The following ANKIB1 variants were observed in gnomAD, a reference collection of about 807,000 sequenced individuals.
ANKIB1 encodes the protein ankyrin repeat and IBR domain-containing protein 1.
In ANKIB1, 43 loss-of-function variants were observed where a neutral mutation model predicts 122.1. The observed-to-expected ratio is 0.35, with a 90% CI of 0.28 to 0.45. The LOEUF (loss-of-function observed/expected upper bound fraction) is 0.45. ANKIB1 is among the 20% of genes least tolerant of loss of function. The pLI, the probability that ANKIB1 is intolerant of heterozygous loss-of-function variation, is 1.00. For synonymous variants in ANKIB1, 390 were observed against 442.0 expected, an observed-to-expected ratio of 0.88 and a Z score of 1.48; for missense variants, 992 against 1,329.5, an observed-to-expected ratio of 0.75 and a Z score of 3.95.
chr7:92,384,474 G>C (rs2115687248), intron 11 of ANKIB1, among the ~76,000 whole-genome samples: 1 of 152,236 alleles, frequency 6.6e-6, no homozygotes, highest in East Asian at 1.9e-4. Context: ...CACACTACCT[G>C]ACTTCAAACT....
intron 10 of ANKIB1, among the ~76,000 whole-genome samples, 153 bp downstream of exon 10, chr7:92,362,426 TC>T (rs1225342943): frequency 1.3e-5 from 2 of 152,230 alleles, no homozygotes; most frequent in Non-Finnish European, 2.9e-5. Context: ...TTGACTAACT[TC>T]CTTTTGGAGA....
chr7:92,342,889 T>G, intron 5 of ANKIB1, 135 bp from the exon 6 acceptor site: 1 of 689,488 alleles, frequency 1.5e-6, no homozygotes, highest in East Asian at 2.7e-5. Context: ...GACATTCATT[T>G]GCAGTTACTA....
rs1206297102 is a variant in ANKIB1 at position 92,246,259 on chromosome 7, G to T, written c.-351G>T. 6 of 388,894 alleles carry T rather than the reference G, an allele frequency of 1.5e-5. No individual in the cohort carries two copies. Among genetic ancestry groups the T allele is most frequent in the Non-Finnish European group, 3.0e-5 (6 of 203,220 alleles). The allele number at this position is 388,894 out of a possible 1,614,324, so 24.1% of individuals were successfully genotyped here. On this transcript the variant is annotated 5_prime_UTR_variant, in exon 1 of 20. Transcript: ENST00000265742. Reference sequence around the variant, plus strand: ...CGCAGCGGCCGGAGAGGGATGGGGGGCGCCCACCCAGTCTGAGCCTCGCCG... The same window carrying T: ...CGCAGCGGCCGGAGAGGGATGGGGGTCGCCCACCCAGTCTGAGCCTCGCCG...
chr7:92,354,183 A>G (rs1438182883), intron 9 of ANKIB1, among the ~76,000 whole-genome samples: 1 of 152,230 alleles, frequency 6.6e-6, no homozygotes, highest in Non-Finnish European at 1.5e-5. Flanking sequence ...AGCTAATGGA[A>G]AAAACCTACC....
chr7:92,275,252 G>A (rs1417979372), intron 1 of ANKIB1, among the ~76,000 whole-genome samples: 3 of 152,026 alleles, frequency 2.0e-5, no homozygotes, highest in Admixed American at 6.6e-5. Flanking sequence ...GATTTCAGGA[G>A]CATATTGACT....
chr7:92,380,839 C>T (rs1183375000), intron 11 of ANKIB1, among the ~76,000 whole-genome samples: 2 of 152,190 alleles, frequency 1.3e-5, no homozygotes, highest in Non-Finnish European at 2.9e-5. Flanking sequence ...AAAACCAGAG[C>T]GCCCCATCTC....
At chr7:92,287,726 G>C (rs1361081485) in intron 1 of ANKIB1, among the ~76,000 whole-genome samples, 1 of 151,686 alleles carries the variant, frequency 6.6e-6, no homozygotes, top group Non-Finnish European at 1.5e-5. Flanking sequence ...ATAAATTGAA[G>C]ACTTGCAAAT....
intron 5 of ANKIB1, among the ~76,000 whole-genome samples, chr7:92,335,428 A>G (rs1000675941): frequency 1.3e-5 from 2 of 151,964 alleles, no homozygotes; most frequent in Non-Finnish European, 2.9e-5. Flanking sequence ...ACTTGTTTTT[A>G]CTAATAAAAA....
intron 4 of ANKIB1, among the ~76,000 whole-genome samples, chr7:92,324,554 T>A (rs1174005980): frequency 6.6e-6 from 1 of 152,174 alleles, no homozygotes; most frequent in East Asian, 1.9e-4. Flanking sequence ...TTTAAAAACA[T>A]CAATGCTTTC....
intron 16 of ANKIB1, 58 bp from the exon 17 acceptor site, chr7:92,392,182 AT>A (rs1554350524): frequency 7.0e-7 from 1 of 1,430,128 alleles, no homozygotes; most frequent in Non-Finnish European, 9.6e-7. Context: ...CAAGGATCTG[AT>A]TGTATATACT....
intron 1 of ANKIB1, among the ~76,000 whole-genome samples, chr7:92,276,597 T>G (rs770920434): frequency 3.3e-5 from 5 of 152,248 alleles, no homozygotes; most frequent in Non-Finnish European, 5.9e-5. Flanking sequence ...AGCTAAGCCC[T>G]TTAGAGGTCC....
At chr7:92,290,414 T>C (rs1452527387) in intron 1 of ANKIB1, among the ~76,000 whole-genome samples, 1 of 150,180 alleles carries the variant, frequency 6.7e-6, no homozygotes, top group African/African-American at 2.5e-5. Context: ...TATTGGGACC[T>C]GCTGCCTGAA....
rs571264009 is a variant in ANKIB1 at position 92,251,943 on chromosome 7, C to T, written c.-91+5424C>T. On this transcript the variant is annotated intron_variant, in intron 1 of 19. Transcript: ENST00000265742. ...GTTATGTCTGTTCGTAGTTCTTCAG[C>T]CTCAGTTTTCCATCTTTCATGTCCT... Among the ~76,000 whole-genome samples the T allele has an allele frequency of 2.0e-5, 3 of 152,248 alleles. No homozygotes were observed. The East Asian group carries it at 5.8e-4, about 29-fold the overall frequency.
At chr7:92,282,188 C>G (rs1035490773) in intron 1 of ANKIB1, among the ~76,000 whole-genome samples, 6 of 151,988 alleles carry the variant, frequency 3.9e-5, no homozygotes, top group Non-Finnish European at 7.4e-5. Context: ...GACAGGGTCT[C>G]TGTCACCCAG....
intron 1 of ANKIB1, among the ~76,000 whole-genome samples, chr7:92,266,844 CT>C (rs1801681716): frequency 6.6e-6 from 1 of 152,220 alleles, no homozygotes; most frequent in Non-Finnish European, 1.5e-5. Context: ...GAAAAGAATC[CT>C]TTCTCCTGTG....
chr7:92,302,957 A>G (rs185590748), intron 2 of ANKIB1, among the ~76,000 whole-genome samples: 55 of 152,328 alleles, frequency 3.6e-4, no homozygotes, highest in African/African-American at 1.3e-3. Flanking sequence ...GAGGATATCA[A>G]AGGAACTGAA....
chr7:92,303,838 T>C (rs957922331), intron 2 of ANKIB1, among the ~76,000 whole-genome samples: 3 of 152,120 alleles, frequency 2.0e-5, no homozygotes, highest in African/African-American at 7.2e-5. Context: ...GTGATAAGAA[T>C]AGGGTCATAT....
At position 92,400,010 on chromosome 7, in the gene ANKIB1, T is replaced by C. The variant is rs556430276; in HGVS notation, c.*1061T>C. ...TCAGTAAAACATCCTGCGCAACATG[T>C]TACCGTGCCTTTGCCTAACCTAAAT... On this transcript the variant is annotated 3_prime_UTR_variant, in exon 20 of 20. Transcript: ENST00000265742. The C allele has an allele frequency of 6.6e-6, 1 of 152,210 alleles. No individual in the cohort carries two copies. The highest frequency in any genetic ancestry group is 1.5e-5 in the Non-Finnish European group (1 of 68,038). The allele number at this position is 152,210 out of a possible 1,614,324, so 9.4% of individuals were successfully genotyped here.
chr7:92,320,094 A>C (rs1421187003), intron 4 of ANKIB1: 1 of 152,296 alleles, frequency 6.6e-6, no homozygotes, highest in African/African-American at 2.4e-5. Flanking sequence ...CCTCCTGTTC[A>C]TCAGTCTCAC....
Sources: allele counts gnomAD v4.1 joint callset (sites outside exome capture counted in the v4.1 genomes callset), GRCh38; gene constraint gnomAD v4.1.1; transcripts MANE v1.5; gene names NCBI Gene and HGNC (gene_info 2026-07-23, HGNC 2026-07-21).